The following RGS20 variants were observed in gnomAD, a reference collection of about 807,000 sequenced individuals.
The protein encoded by RGS20 is regulator of G protein signaling 20.
In RGS20, 30 loss-of-function variants were observed where a neutral mutation model predicts 33.6. The observed-to-expected ratio is 0.89, with a 90% CI of 0.67 to 1.21. The LOEUF is 1.21. RGS20 is among the 50% of genes most tolerant of loss of function. The probability of loss-of-function intolerance (pLI) is 0.00; values close to 1 mark genes in which losing one functional copy is unlikely to be tolerated. For synonymous variants in RGS20, 208 were observed against 197.9 expected (o/e 1.05, Z -0.43); for missense variants, 472 against 502.4 (o/e 0.94, Z 0.58).
At chr8:53,858,087 C>T (rs895920508) in intron 1 of RGS20, among the ~76,000 whole-genome samples, 1 of 151,876 alleles carries the variant, frequency 6.6e-6, no homozygotes, top group African/African-American at 2.4e-5. Context: ...TATTATCATC[C>T]CAGAGACTAT....
intron 3 of RGS20, among the ~76,000 whole-genome samples, chr8:53,942,665 T>C (rs973772685): frequency 6.6e-6 from 1 of 151,934 alleles, no homozygotes; most frequent in African/African-American, 2.4e-5. Flanking sequence ...CATACAGCAC[T>C]TAAATTCATA....
At chr8:53,950,043 T>C (rs1814664552) in intron 4 of RGS20, among the ~76,000 whole-genome samples, 1 of 152,092 alleles carries the variant, frequency 6.6e-6, no homozygotes, top group Admixed American at 6.5e-5. Context: ...TTTCCCCATA[T>C]TGGCCAGGCT....
chr8:53,887,714 C>T (rs1012296741), intron 2 of RGS20, among the ~76,000 whole-genome samples: 24 of 152,218 alleles, frequency 1.6e-4, no homozygotes, highest in Middle Eastern at 3.2e-3. Flanking sequence ...TGGTGGCTCA[C>T]GCCTGTAATT....
chr8:53,859,622 G>C (rs1309057500), intron 1 of RGS20, among the ~76,000 whole-genome samples: 2 of 152,150 alleles, frequency 1.3e-5, no homozygotes, highest in South Asian at 4.1e-4. Context: ...ACTATATTGG[G>C]AAACTCAGGG....
chr8:53,855,711 CTG>C (rs1253318536), intron 1 of RGS20, among the ~76,000 whole-genome samples: 1 of 152,182 alleles, frequency 6.6e-6, no homozygotes, highest in Admixed American at 6.5e-5. Flanking sequence ...CGGGACCACT[CTG>C]TACATTCTGT....
At chr8:53,926,594 A>G (rs2129287828) in intron 2 of RGS20, among the ~76,000 whole-genome samples, 2 of 152,292 alleles carry the variant, frequency 1.3e-5, no homozygotes, top group Middle Eastern at 6.8e-3. Flanking sequence ...CTGGCTACCA[A>G]GTGTGTTTAC....
intron 2 of RGS20, among the ~76,000 whole-genome samples, chr8:53,898,112 A>G (rs1812918890): frequency 6.6e-6 from 1 of 152,170 alleles, no homozygotes; most frequent in South Asian, 2.1e-4. Context: ...CTCGCCTTGC[A>G]CCACCAGGAG....
chr8:53,923,574 G>A (rs1344190541), intron 2 of RGS20, among the ~76,000 whole-genome samples: 1 of 151,452 alleles, frequency 6.6e-6, no homozygotes, highest in East Asian at 1.9e-4. Flanking sequence ...CAGCCTGGGC[G>A]ACAGAGTGAG....
At chr8:53,933,489 C>T (rs1335668026) in intron 2 of RGS20, among the ~76,000 whole-genome samples, 1 of 151,932 alleles carries the variant, frequency 6.6e-6, no homozygotes, top group Non-Finnish European at 1.5e-5. Flanking sequence ...CCGAATTGAT[C>T]AAGTGGAAGA....
intron 2 of RGS20, among the ~76,000 whole-genome samples, chr8:53,937,236 A>T (rs1448955924): frequency 4.6e-5 from 7 of 152,196 alleles, no homozygotes; most frequent in Non-Finnish European, 7.3e-5. Flanking sequence ...GCACATGTAT[A>T]CATATGTAAC....
At chr8:53,948,333 G>GTATATATTTATATATGCTATATATAAGAC (rs1563431949) in intron 4 of RGS20, among the ~76,000 whole-genome samples, 1 of 131,884 alleles carries the variant, frequency 7.6e-6, no homozygotes, top group Non-Finnish European at 1.5e-5. Context: ...CTATATATAA[G>GTATATATTTATATATGCTATATATAAGAC]ACAGTATATA....
rs542009000 is a variant in RGS20 at position 53,875,444 on chromosome 8, A to C, written c.166-3814A>C. ...AAGACTCTGTCAAAAAAAAAAAAAA[A>C]AAAAAACCAAAAAAACCAAAAAAAC... On this transcript the variant is annotated intron_variant, in intron 1 of 5. Coordinates refer to ENST00000297313, the MANE Select transcript of RGS20 (RefSeq NM_170587.4). Among the ~76,000 whole-genome samples, 658 of 148,008 alleles carry C rather than the reference A, an allele frequency of 4.4e-3. 3 individuals carry two copies. Among genetic ancestry groups the C allele is most frequent in the Non-Finnish European group, 6.2e-3 (418 of 67,656 alleles).
intron 2 of RGS20, among the ~76,000 whole-genome samples, chr8:53,895,691 C>T (rs1235584147): frequency 6.6e-6 from 1 of 150,560 alleles, no homozygotes; most frequent in African/African-American, 2.4e-5. Context: ...GTTGCCCAGG[C>T]TGGAGTGCAG....
chr8:53,910,525 G>C (rs776266061), intron 2 of RGS20, among the ~76,000 whole-genome samples: 1 of 152,140 alleles, frequency 6.6e-6, no homozygotes, highest in Non-Finnish European at 1.5e-5. Context: ...TCCTTTGAAA[G>C]ACAAGTTGGC....
chr8:53,948,377 T>A (rs1814600913), intron 4 of RGS20, among the ~76,000 whole-genome samples: 1 of 142,720 alleles, frequency 7.0e-6, no homozygotes, highest in African/African-American at 2.5e-5. Context: ...ACAGTATATA[T>A]TTATATATGC....
chr8:53,869,123 G>A (rs911084096), intron 1 of RGS20, among the ~76,000 whole-genome samples: 1 of 152,270 alleles, frequency 6.6e-6, no homozygotes, highest in East Asian at 1.9e-4. Flanking sequence ...AGTTTTAAAT[G>A]TTTCTTTTCA....
intron 4 of RGS20, among the ~76,000 whole-genome samples, chr8:53,947,646 T>TTCC (rs1814549422): frequency 1.1e-5 from 1 of 94,024 alleles, no homozygotes; most frequent in Non-Finnish European, 2.0e-5. Flanking sequence ...ATATAGTACA[T>TTCC]ACATTTATAT....
At chr8:53,912,352 AT>A (rs58889086) in intron 2 of RGS20, among the ~76,000 whole-genome samples, 62,587 of 137,070 alleles carry the variant, frequency 0.46, 13,398 homozygotes, top group East Asian at 0.71. Flanking sequence ...GTTAATCTTG[AT>A]TTTTTTTTTT....
intron 2 of RGS20, among the ~76,000 whole-genome samples, chr8:53,920,925 A>C (rs1291616234): frequency 6.6e-6 from 1 of 152,008 alleles, no homozygotes; most frequent in East Asian, 1.9e-4. Context: ...CGCCTGGCTA[A>C]TTTTTGTATT....
Sources: gnomAD v4.1 joint callset for allele counts (sites outside exome capture counted in the v4.1 genomes callset) on GRCh38, gnomAD v4.1.1 for gene constraint, MANE v1.5 for transcripts, NCBI Gene and HGNC (gene_info 2026-07-23, HGNC 2026-07-21) for gene names.